The following ABR variants were observed in gnomAD, a reference collection of about 807,000 sequenced individuals.
The protein encoded by ABR is ABR activator of RhoGEF and GTPase.
ABR carries 35 observed loss-of-function variants against 107.2 expected under a neutral mutation model. That is an observed-to-expected ratio of 0.33 (90% confidence interval 0.25 to 0.43). The LOEUF is 0.43. Ranked by LOEUF, ABR falls within the 20% of genes least tolerant of loss-of-function variation. ABR has a pLI of 1.00. For synonymous variants in ABR, 498 were observed against 462.0 expected, an observed-to-expected ratio of 1.08 and a Z score of -1.00; for missense variants, 815 against 1,115.2, an observed-to-expected ratio of 0.73 and a Z score of 3.83.
chr17:1,199,017 G>T (rs184749425), intron 1 of ABR, among the ~76,000 whole-genome samples: 1,480 of 143,640 alleles, frequency 0.01, 46 homozygotes, highest in African/African-American at 0.026. Context: ...CGGTGCCATT[G>T]CACTCCAGCC....
At chr17:1,146,736 CGACACCACTGCCACCACTGCCACAT>C (rs2040554228) in intron 1 of ABR, among the ~76,000 whole-genome samples, 2 of 147,540 alleles carry the variant, frequency 1.4e-5, no homozygotes, top group Non-Finnish European at 1.5e-5. Context: ...CATTGCCACA[CGACACCACTGCCACCACTGCCACAT>C]GACACCACTG....
intron 16 of ABR, among the ~76,000 whole-genome samples, chr17:1,039,764 C>T (rs1324551539): frequency 1.3e-5 from 2 of 152,226 alleles, no homozygotes; most frequent in South Asian, 2.1e-4. Flanking sequence ...AAGAGCCCCA[C>T]GTGGGCCAGC....
chr17:1,047,376 C>T (rs777614595), intron 16 of ABR, among the ~76,000 whole-genome samples: 91 of 152,240 alleles, frequency 6.0e-4, no homozygotes, highest in Admixed American at 1.2e-3. Flanking sequence ...GGGAACAGCT[C>T]CGTGTGGACT....
rs1387064433 is a variant in ABR at position 1,005,810 on chromosome 17, A to G, written c.*270T>C. On this transcript the variant is annotated 3_prime_UTR_variant, in exon 23 of 23. Transcript: ENST00000302538. ...TACCTTTTCTGCCTGACAAGTGTAC[A>G]TAAAACAATTCCCGAACAGCACGGA... 3.8e-6 allele frequency: 2 copies of G among 528,424 alleles called. No homozygotes were observed. The highest frequency in any genetic ancestry group is 6.8e-6 in the Non-Finnish European group (2 of 293,402). The allele number at this position is 528,424 out of a possible 1,614,324, so 32.7% of individuals were successfully genotyped here.
intron 5 of ABR, chr17:1,083,288 C>A: frequency 2.2e-5 from 3 of 133,628 alleles, no homozygotes; most frequent in East Asian, 1.3e-4. Flanking sequence ...TTTTTTTTTG[C>A]CTCCCCTGTT....
intron 16 of ABR, among the ~76,000 whole-genome samples, chr17:1,045,610 T>A (rs1192812441): frequency 6.6e-6 from 1 of 152,220 alleles, no homozygotes; most frequent in Non-Finnish European, 1.5e-5. Flanking sequence ...TCTTTCTAGC[T>A]GTGATGATAT....
chr17:1,189,209 C>T (rs548387952), upstream of ABR, among the ~76,000 whole-genome samples: 3 of 152,250 alleles, frequency 2.0e-5, no homozygotes, highest in Admixed American at 6.5e-5. Context: ...CCCAGGCTCA[C>T]GAGACTGACA....
intron 1 of ABR, among the ~76,000 whole-genome samples, chr17:1,173,752 G>A (rs1306229299): frequency 1.3e-5 from 2 of 152,150 alleles, no homozygotes; most frequent in Non-Finnish European, 2.9e-5. Flanking sequence ...GGCCTGTGCG[G>A]GAGCCGCTGT....
At chr17:1,206,271 G>A (rs1028148627) in intron 1 of ABR, among the ~76,000 whole-genome samples, 10 of 152,210 alleles carry the variant, frequency 6.6e-5, no homozygotes, top group Middle Eastern at 3.2e-3. Flanking sequence ...TAACTGCCAC[G>A]TGACTGGGTT....
intron 2 of ABR, among the ~76,000 whole-genome samples, chr17:1,121,747 A>C (rs527968368): frequency 1.5e-3 from 183 of 125,188 alleles, no homozygotes; most frequent in Middle Eastern, 5.6e-3. Context: ...CTGAGTCCCC[A>C]AGGCAGGGCT....
Position 1,011,504 on chromosome 17 carries a change from C to T in ABR, c.2101+342G>A. ...CCTGGGGCCCTGGAGACAGCAGGTG[C>T]AGGCTCAAAGCTCTTTCCCTGCGGC... On this transcript the variant is annotated intron_variant, in intron 19 of 22. Transcript: ENST00000302538. The surrounding 1 kb of genome is among the most constrained non-coding windows in gnomAD (Gnocchi z 4.8). 1 of 189,256 alleles carries T rather than the reference C, an allele frequency of 5.3e-6. No homozygotes were observed. The highest frequency in any genetic ancestry group is 1.1e-5 in the Non-Finnish European group (1 of 91,670). The allele number at this position is 189,256 out of a possible 1,614,324, so 11.7% of individuals were successfully genotyped here.
intron 16 of ABR, among the ~76,000 whole-genome samples, chr17:1,025,520 G>A (rs1228731665): frequency 2.6e-5 from 4 of 152,076 alleles, no homozygotes; most frequent in Non-Finnish European, 4.4e-5. Flanking sequence ...AGGGCCCCAC[G>A]TCGCCTGGCC....
At chr17:1,108,918 C>A (rs761268449) in intron 2 of ABR, 13 of 1,580,596 alleles carry the variant, frequency 8.2e-6, no homozygotes, top group South Asian at 1.1e-5. Context: ...GCGCCCAGGG[C>A]GTGTCACGCT....
intron 16 of ABR, among the ~76,000 whole-genome samples, chr17:1,042,361 G>A (rs60879673): frequency 0.058 from 8,839 of 151,150 alleles, 314 homozygotes; most frequent in South Asian, 0.18. Context: ...CTACATCCAC[G>A]AACGGATGGA....
At chr17:1,076,124 G>A (rs750572507) in intron 6 of ABR, among the ~76,000 whole-genome samples, 116 of 152,270 alleles carry the variant, frequency 7.6e-4, no homozygotes, top group Non-Finnish European at 1.2e-3. Context: ...AGCTGGTCTC[G>A]AACTCCTGGC....
chr17:1,111,249 G>A (rs2038659783), intron 2 of ABR, among the ~76,000 whole-genome samples: 1 of 152,102 alleles, frequency 6.6e-6, no homozygotes, highest in African/African-American at 2.4e-5. Flanking sequence ...TGAGACTGAC[G>A]CCCACTTCTT....
intron 12 of ABR, 52 bp from the exon 13 acceptor site, chr17:1,057,154 C>A: frequency 1.6e-6 from 2 of 1,280,706 alleles, no homozygotes; most frequent in Non-Finnish European, 2.3e-6. Flanking sequence ...CCACCAGGAC[C>A]GGCTGCTCTT....
intron 22 of ABR, 48 bp from the exon 23 acceptor site, chr17:1,006,217 C>A (rs372014888): frequency 6.5e-5 from 96 of 1,474,470 alleles, no homozygotes; most frequent in African/African-American, 1.4e-5. Flanking sequence ...TCCTAGGCCT[C>A]GTCCTTGCTG....
At chr17:1,182,035 G>T (rs987611854), upstream of ABR, 1 of 152,120 alleles carries the variant, frequency 6.6e-6, no homozygotes, top group South Asian at 2.1e-4. Flanking sequence ...TTTCCTTCGC[G>T]TTGCCATAGT....
Sources: allele counts gnomAD v4.1 joint callset (sites outside exome capture counted in the v4.1 genomes callset), GRCh38; gene constraint gnomAD v4.1.1; non-coding constraint Gnocchi (gnomAD v3.1); transcripts MANE v1.5; gene names NCBI Gene and HGNC (gene_info 2026-07-23, HGNC 2026-07-21).